GRM8: variants seen among roughly 807,000 people sequenced by gnomAD.
GRM8 encodes glutamate metabotropic receptor 8.
A neutral mutation model predicts 87.2 loss-of-function variants in GRM8; 47 were observed. The observed-to-expected ratio is 0.54, with a 90% CI of 0.43 to 0.69. GRM8 has a LOEUF of 0.69. GRM8 is among the 30% of genes least tolerant of loss of function. GRM8 has a pLI of 0.00. For missense variants in GRM8, 1,019 were observed against 1,139.2 expected (o/e 0.89, Z 1.52); for synonymous variants, 396 against 404.5 (o/e 0.98, Z 0.25).
At chr7:126,635,436 A>T (rs1051634169) in intron 7 of GRM8, among the ~76,000 whole-genome samples, 1 of 152,164 alleles carries the variant, frequency 6.6e-6, no homozygotes, top group African/African-American at 2.4e-5. Flanking sequence ...TAAGAACATT[A>T]AACTCATACG....
At chr7:126,746,843 C>A (rs1815754834) in intron 7 of GRM8, among the ~76,000 whole-genome samples, 2 of 151,588 alleles carry the variant, frequency 1.3e-5, no homozygotes, top group South Asian at 2.1e-4. Context: ...ATCTTTCATA[C>A]AAGGAATATG....
At chr7:127,127,994 T>G (rs1827467071) in intron 2 of GRM8, among the ~76,000 whole-genome samples, 1 of 152,132 alleles carries the variant, frequency 6.6e-6, no homozygotes, top group Non-Finnish European at 1.5e-5. Flanking sequence ...TTATCTCCAC[T>G]GGCACCTTTA....
Position 127,022,778 on chromosome 7 carries a change from T to C in GRM8, c.727+83718A>G, listed in dbSNP as rs1816403800. On this transcript the variant is annotated intron_variant, in intron 3 of 10. Transcript: ENST00000339582. ...TTTTCTGTACATTTTGTTTCACCAA[T>C]CACCTAAATTTTACAGCTTTTTACA... Among the ~76,000 whole-genome samples the C allele has an allele frequency of 2.6e-5, 4 of 152,158 alleles. No individual in the cohort carries two copies. The South Asian group carries it at 8.3e-4, about 32-fold the overall frequency.
chr7:126,534,802 T>A (rs1397153882), intron 8 of GRM8, among the ~76,000 whole-genome samples: 1 of 152,212 alleles, frequency 6.6e-6, no homozygotes, highest in Non-Finnish European at 1.5e-5. Flanking sequence ...AAATTACAGA[T>A]GACGGGAGAC....
Position 126,890,327 on chromosome 7 carries a change from C to T in GRM8, c.1156+12215G>A, listed in dbSNP as rs191546252. 1.3e-3 allele frequency among the ~76,000 whole-genome samples: 205 copies of T among 152,180 alleles called. 1 individual carries two copies. Among genetic ancestry groups the T allele is most frequent in the African/African-American group, 4.9e-3 (202 of 41,552 alleles). On this transcript the variant is annotated intron_variant, in intron 6 of 10. Coordinates refer to ENST00000339582, the MANE Select transcript of GRM8 (RefSeq NM_000845.3). ...TTATGCATATTATTTCCTTTAACTT[C>T]CCAACCGCTCTATGAGGCAAGTATT...
intron 6 of GRM8, among the ~76,000 whole-genome samples, chr7:126,843,409 G>T (rs1453062546): frequency 2.0e-5 from 3 of 152,306 alleles, no homozygotes; most frequent in African/African-American, 7.2e-5. Flanking sequence ...AATAAAAAAA[G>T]AAATCCAATT....
chr7:126,686,538 G>A (rs2151352789), intron 7 of GRM8, among the ~76,000 whole-genome samples: 1 of 152,312 alleles, frequency 6.6e-6, no homozygotes, highest in African/African-American at 2.4e-5. Flanking sequence ...GCCAGCTGGA[G>A]AAGCTGTTTG....
intron 6 of GRM8, among the ~76,000 whole-genome samples, chr7:126,865,894 T>C (rs1798552493): frequency 6.6e-6 from 1 of 152,252 alleles, no homozygotes; most frequent in East Asian, 1.9e-4. Flanking sequence ...TGAATATTCA[T>C]ATACAAATTT....
intron 7 of GRM8, among the ~76,000 whole-genome samples, chr7:126,640,771 G>C (rs1260474897): frequency 1.3e-5 from 2 of 151,722 alleles, no homozygotes; most frequent in Non-Finnish European, 2.9e-5. Context: ...CTTCCTTTCT[G>C]CTCTCTCCCT....
At chr7:126,809,037 C>T (rs941152235) in intron 6 of GRM8, among the ~76,000 whole-genome samples, 10 of 152,026 alleles carry the variant, frequency 6.6e-5, no homozygotes, top group Non-Finnish European at 1.0e-4. Flanking sequence ...TTGCATTAGT[C>T]CTAGAATCTC....
chr7:126,674,252 C>T (rs1436352347), intron 7 of GRM8, among the ~76,000 whole-genome samples: 3 of 152,176 alleles, frequency 2.0e-5, no homozygotes, highest in Admixed American at 2.0e-4. Context: ...GTTGTAACAA[C>T]TGAGGAATAT....
intron 8 of GRM8, among the ~76,000 whole-genome samples, chr7:126,568,549 CAT>C (rs963429130): frequency 1.1e-4 from 17 of 152,162 alleles, no homozygotes; most frequent in African/African-American, 3.9e-4. Context: ...ATTTAAACTT[CAT>C]ATAATTGGGA....
chr7:126,967,422 A>G (rs1255189231), intron 3 of GRM8, among the ~76,000 whole-genome samples: 1 of 152,194 alleles, frequency 6.6e-6, no homozygotes, highest in African/African-American at 2.4e-5. Context: ...ATATTCACAC[A>G]CATTTTTCAA....
At chr7:127,238,552 C>G (rs1798116128) in intron 2 of GRM8, among the ~76,000 whole-genome samples, 1 of 152,102 alleles carries the variant, frequency 6.6e-6, no homozygotes. Context: ...AGCCCACACC[C>G]CTTGTGGGTG....
At chr7:127,209,714 C>T (rs560103184) in intron 2 of GRM8, among the ~76,000 whole-genome samples, 2 of 152,318 alleles carry the variant, frequency 1.3e-5, no homozygotes, top group East Asian at 1.9e-4. Context: ...CCTGATGTAG[C>T]TCCATCTTCA....
At chr7:126,753,874 C>T (rs1422271118) in intron 7 of GRM8, among the ~76,000 whole-genome samples, 1 of 151,822 alleles carries the variant, frequency 6.6e-6, no homozygotes, top group East Asian at 1.9e-4. Flanking sequence ...TTTAAGTGAT[C>T]TGAATCCACA....
At chr7:126,951,256 C>T (rs1024045366) in intron 3 of GRM8, among the ~76,000 whole-genome samples, 2 of 151,956 alleles carry the variant, frequency 1.3e-5, no homozygotes, top group African/African-American at 4.8e-5. Flanking sequence ...AGGAACTCAC[C>T]AGAAACTAAA....
intron 2 of GRM8, among the ~76,000 whole-genome samples, chr7:127,172,105 T>C (rs963937567): frequency 6.6e-6 from 1 of 152,100 alleles, no homozygotes; most frequent in Non-Finnish European, 1.5e-5. Flanking sequence ...AGTGACGAAA[T>C]GAAGTACAGA....
intron 7 of GRM8, among the ~76,000 whole-genome samples, chr7:126,678,217 G>T (rs570551347): frequency 1.2e-4 from 18 of 152,160 alleles, no homozygotes; most frequent in South Asian, 2.1e-4. Context: ...TAGGATTTAC[G>T]CAGATCTAAA....
Sources: allele counts gnomAD v4.1 joint callset (sites outside exome capture counted in the v4.1 genomes callset), GRCh38; gene constraint gnomAD v4.1.1; transcripts MANE v1.5; gene names NCBI Gene and HGNC (gene_info 2026-07-23, HGNC 2026-07-21).